The following TAOK1 variants were observed in gnomAD, a reference collection of about 807,000 sequenced individuals.
TAOK1 encodes the protein serine/threonine-protein kinase TAO1.
In TAOK1, 21 loss-of-function variants were observed where a neutral mutation model predicts 138.3. The observed-to-expected ratio is 0.15, with a 90% CI of 0.11 to 0.22. The LOEUF (loss-of-function observed/expected upper bound fraction) is 0.22. TAOK1 is among the 10% of genes least tolerant of loss of function. The pLI, the probability that TAOK1 is intolerant of heterozygous loss-of-function variation, is 1.00. For missense variants in TAOK1, 651 were observed against 1,227.7 expected (o/e 0.53, Z 7.02); for synonymous variants, 361 against 398.4 (o/e 0.91, Z 1.12).
At chr17:29,460,163 A>G (rs1166297275) in intron 2 of TAOK1, among the ~76,000 whole-genome samples, 1 of 152,250 alleles carries the variant, frequency 6.6e-6, no homozygotes, top group Non-Finnish European at 1.5e-5. Context: ...AAACTATAAA[A>G]TTGCATTATC....
At chr17:29,411,977 A>G (rs1004025975) in intron 1 of TAOK1, among the ~76,000 whole-genome samples, 4 of 151,870 alleles carry the variant, frequency 2.6e-5, no homozygotes, top group African/African-American at 4.8e-5. Flanking sequence ...CTCCATATCT[A>G]TGCAGCTTGC....
intron 14 of TAOK1, among the ~76,000 whole-genome samples, chr17:29,508,970 G>C (rs1317375920): frequency 2.0e-5 from 3 of 151,988 alleles, no homozygotes; most frequent in East Asian, 1.9e-4. Flanking sequence ...TGTCCAGGTA[G>C]TCTGCAGTGA....
intron 10 of TAOK1, 146 bp from the exon 11 acceptor site, chr17:29,495,412 ATT>A (rs770728446): frequency 7.2e-5 from 40 of 559,330 alleles, no homozygotes; most frequent in Middle Eastern, 4.9e-4. Context: ...GTAAATGATA[ATT>A]TTATAAATAG....
intron 1 of TAOK1, chr17:29,424,826 A>C (rs1022411375): frequency 6.6e-6 from 1 of 152,078 alleles, no homozygotes; most frequent in Admixed American, 6.6e-5. Flanking sequence ...TAATCTCTGT[A>C]TTGTTCCAGG....
rs1267206837 is a variant in TAOK1, at chr17:29,510,935, T to C, written c.1647T>C (p.Asn549=). ...AGGCCCAACAGAAGAAAGAACTGAA[T>C]AGTTTTCTCGAGTCCCAGAAAAGAG... ...HIQAQQKKEL[N]SFLESQKREY... Residue 549 remains asparagine (N), a synonymous_variant, in exon 15 of 20, where the codon AAT becomes AAC. Transcript: ENST00000261716. The C allele has an allele frequency of 1.9e-6, 3 of 1,611,602 alleles. No individual in the cohort carries two copies. Among genetic ancestry groups the C allele is most frequent in the Non-Finnish European group, 8.5e-7 (1 of 1,178,964 alleles).
intron 1 of TAOK1, among the ~76,000 whole-genome samples, chr17:29,395,015 G>T (rs1904551596): frequency 1.3e-5 from 2 of 152,152 alleles, no homozygotes; most frequent in Admixed American, 1.3e-4. Flanking sequence ...GCTGAGGCTG[G>T]AGGATCACTT....
At chr17:29,441,329 C>T (rs1018324319) in intron 1 of TAOK1, among the ~76,000 whole-genome samples, 1 of 152,066 alleles carries the variant, frequency 6.6e-6, no homozygotes, top group Admixed American at 6.6e-5. Context: ...GGCAATATAG[C>T]GAGACCCTGC....
At chr17:29,436,354 G>T (rs11652977) in intron 1 of TAOK1, among the ~76,000 whole-genome samples, 2 of 151,914 alleles carry the variant, frequency 1.3e-5, no homozygotes, top group East Asian at 3.9e-4. Context: ...CAATATTCCA[G>T]CCAAAAGTCA....
At chr17:29,420,583 C>CTTTT (rs1905401444) in intron 1 of TAOK1, among the ~76,000 whole-genome samples, 2 of 90,892 alleles carry the variant, frequency 2.2e-5, no homozygotes, top group Non-Finnish European at 2.0e-5. Context: ...AATACTTAAT[C>CTTTT]TGTTTTTTTT....
chr17:29,491,299 T>C (rs1474642576), intron 9 of TAOK1, among the ~76,000 whole-genome samples: 1 of 152,194 alleles, frequency 6.6e-6, no homozygotes, highest in Non-Finnish European at 1.5e-5. Context: ...ATGGAAGTCT[T>C]ATCCATTTGC....
chr17:29,446,657 A>G (rs1047767630), intron 1 of TAOK1, among the ~76,000 whole-genome samples: 5 of 152,056 alleles, frequency 3.3e-5, no homozygotes, highest in African/African-American at 1.2e-4. Context: ...GTCATGCACC[A>G]TGTAACGATG....
intron 19 of TAOK1, among the ~76,000 whole-genome samples, chr17:29,536,255 C>T (rs1019421589): frequency 6.7e-6 from 1 of 150,374 alleles, no homozygotes; most frequent in African/African-American, 2.4e-5. Context: ...GCCGAGATGG[C>T]GCCACTGCAC....
intron 4 of TAOK1, among the ~76,000 whole-genome samples, chr17:29,477,167 T>G (rs1443362936): frequency 6.6e-6 from 1 of 152,124 alleles, no homozygotes; most frequent in East Asian, 1.9e-4. Flanking sequence ...TTTTCAATTA[T>G]TTTTGATATA....
Position 29,413,368 on chromosome 17 carries a change from C to T in TAOK1, c.-95+22344C>T, listed in dbSNP as rs1347052762. On this transcript the variant is annotated intron_variant, in intron 1 of 19. Transcript: ENST00000261716. ...GCCCAGCACTTTGGGAGGCTGAGAC[C>T]GGTGGATTGTTTGAGCTCAGGAGTT... Among the ~76,000 whole-genome samples the T allele has an allele frequency of 5.3e-5, 8 of 151,960 alleles. No individual in the cohort carries two copies. The South Asian group carries it at 8.3e-4, about 16-fold the overall frequency.
intron 1 of TAOK1, among the ~76,000 whole-genome samples, chr17:29,449,712 G>A (rs1009272989): frequency 5.3e-5 from 8 of 151,844 alleles, no homozygotes; most frequent in African/African-American, 1.5e-4. Context: ...GCGGTGGTGC[G>A]TGCCTGTAGT....
intron 10 of TAOK1, among the ~76,000 whole-genome samples, chr17:29,493,613 T>C (rs1001000097): frequency 2.6e-5 from 4 of 152,178 alleles, no homozygotes; most frequent in African/African-American, 4.8e-5. Flanking sequence ...GATTAGATCC[T>C]AAGTCTGCAT....
At chr17:29,448,463 C>G (rs2030150380) in intron 1 of TAOK1, among the ~76,000 whole-genome samples, 1 of 152,038 alleles carries the variant, frequency 6.6e-6, no homozygotes, top group Non-Finnish European at 1.5e-5. Flanking sequence ...GTGTTAAATT[C>G]CAAGATAGAC....
chr17:29,449,893 T>C (rs1244678482), intron 1 of TAOK1, among the ~76,000 whole-genome samples: 1 of 152,100 alleles, frequency 6.6e-6, no homozygotes, highest in African/African-American at 2.4e-5. Flanking sequence ...TTTTAAAAAT[T>C]GTTGAATTTG....
chr17:29,468,135 A>ATTTTTTTTTTTTTTTTTTTTTT lies in TAOK1; in HGVS notation c.204+936_204+937insTTTTTTTTTTTTTTTTTTTTTT, dbSNP rs761962930. ...AACCACTGTGCTTGGCCTGCTTTCA[A>ATTTTTTTTTTTTTTTTTTTTTT]TTTTTTTTTTTTTTTTTAGGAGCTG... On this transcript the variant is annotated intron_variant, in intron 3 of 19. Coordinates refer to ENST00000261716, the MANE Select transcript of TAOK1 (RefSeq NM_020791.4). 2.1e-3 allele frequency among the ~76,000 whole-genome samples: 156 copies of ATTTTTTTTTTTTTTTTTTTTTT among 76,036 alleles called. 31 individuals carry two copies. The East Asian group carries it at 0.023, about 11-fold the overall frequency. 49.9% of individuals were successfully genotyped at this position (76,036 alleles called of 152,430 possible). A position where few individuals can be genotyped will look rare whatever the true frequency, so the allele number is the denominator to read the frequency against.
Sources: allele counts gnomAD v4.1 joint callset (sites outside exome capture counted in the v4.1 genomes callset), GRCh38; gene constraint gnomAD v4.1.1; transcripts MANE v1.5; gene names NCBI Gene and HGNC (gene_info 2026-07-23, HGNC 2026-07-21).